Variants in JARID2 observed in about 807,000 individuals in gnomAD.
The protein encoded by JARID2 is jumonji and AT-rich interaction domain containing 2.
In JARID2, 21 loss-of-function variants were observed where a neutral mutation model predicts 125.6. The observed-to-expected ratio is 0.17, with a 90% CI of 0.12 to 0.24. JARID2 has a LOEUF of 0.24. Ranked by LOEUF, JARID2 falls within the 10% of genes least tolerant of loss-of-function variation. JARID2 has a pLI of 1.00. For missense variants in JARID2, 1,303 were observed against 1,639.6 expected (o/e 0.79, Z 3.55); for synonymous variants, 736 against 661.6 (o/e 1.11, Z -1.73).
At chr6:15,391,470 AGGGGAG>A (rs1255367168) in intron 2 of JARID2, among the ~76,000 whole-genome samples, 2 of 152,184 alleles carry the variant, frequency 1.3e-5, no homozygotes, top group African/African-American at 4.8e-5. Context: ...AGACAGACAG[AGGGGAG>A]AAAGTGACTG....
chr6:15,434,151 A>G (rs570649443), intron 3 of JARID2, among the ~76,000 whole-genome samples: 132 of 146,470 alleles, frequency 9.0e-4, no homozygotes, highest in African/African-American at 3.2e-3. Context: ...TTTTTTTTTT[A>G]TTTTTATTTT....
intron 2 of JARID2, among the ~76,000 whole-genome samples, chr6:15,403,577 G>T (rs1765526025): frequency 1.3e-5 from 2 of 151,904 alleles, no homozygotes; most frequent in South Asian, 4.1e-4. Context: ...ACTTGTTTCT[G>T]AAATAGGAAA....
At chr6:15,442,472 T>A (rs981072248) in intron 3 of JARID2, among the ~76,000 whole-genome samples, 3 of 152,236 alleles carry the variant, frequency 2.0e-5, no homozygotes, top group Admixed American at 6.5e-5. Flanking sequence ...ACTCTTACTG[T>A]CTTTATGTAG....
At position 15,362,440 on chromosome 6, in the gene JARID2, C is replaced by T. The variant is rs546506949; in HGVS notation, c.46-11677C>T. ...TCTTGAGAAAGGCAACTCTATTTAC[C>T]GTAGCATTACTGTTGAAGTCATGAT... On this transcript the variant is annotated intron_variant, in intron 1 of 17. Transcript: ENST00000341776. 6.6e-5 allele frequency among the ~76,000 whole-genome samples: 10 copies of T among 152,208 alleles called. No homozygotes were observed. In the East Asian group the frequency reaches 9.6e-4, roughly 15 times the overall value.
chr6:15,410,514 C>G (rs1218457785), intron 3 of JARID2, 149 bp downstream of exon 3: 3 of 740,930 alleles, frequency 4.0e-6, no homozygotes, highest in Non-Finnish European at 6.5e-6. Flanking sequence ...GTATCAAATG[C>G]CCTGCTTTCT....
chr6:15,397,942 T>C (rs1182029839), intron 2 of JARID2, among the ~76,000 whole-genome samples: 5 of 152,150 alleles, frequency 3.3e-5, no homozygotes, highest in African/African-American at 1.2e-4. Flanking sequence ...CATTCATCAG[T>C]TGTGTAGTAT....
At chr6:15,254,132 A>G (rs1034764014) in intron 1 of JARID2, among the ~76,000 whole-genome samples, 2 of 152,178 alleles carry the variant, frequency 1.3e-5, no homozygotes, top group Admixed American at 6.5e-5. Context: ...TTGAAGAACC[A>G]GTTGGTGGAG....
chr6:15,446,314 C>A (rs1055722476), intron 3 of JARID2, among the ~76,000 whole-genome samples: 1 of 152,188 alleles, frequency 6.6e-6, no homozygotes, highest in South Asian at 2.1e-4. Flanking sequence ...AACAGAAGGG[C>A]AGAGCAATGG....
chr6:15,357,286 A>G (rs187908728), intron 1 of JARID2, among the ~76,000 whole-genome samples: 210 of 152,348 alleles, frequency 1.4e-3, no homozygotes, highest in Admixed American at 2.9e-3. Flanking sequence ...TGAAGTTAAC[A>G]ATTTTTACAA....
chr6:15,460,962 C>G (rs1329579455), intron 4 of JARID2, among the ~76,000 whole-genome samples: 1 of 152,196 alleles, frequency 6.6e-6, no homozygotes, highest in Admixed American at 6.5e-5. Context: ...ACCTTGGCCT[C>G]CCAAAGTGCT....
rs1686946081 is a variant in JARID2 at position 15,284,512 on chromosome 6, T to C, written c.45+37928T>C. 3.7e-5 allele frequency among the ~76,000 whole-genome samples: 3 copies of C among 80,022 alleles called. No individual in the cohort carries two copies. The South Asian group carries it at 1.0e-3, about 28-fold the overall frequency. 52.5% of individuals were successfully genotyped at this position (80,022 alleles called of 152,430 possible). On this transcript the variant is annotated intron_variant, in intron 1 of 17. Coordinates refer to ENST00000341776, the MANE Select transcript of JARID2 (RefSeq NM_004973.4). ...AAATTCCCTTTTAGTTTTATAATCCTTTTTTTTTTTTTTTTGAGACGAAGT... is the reference window on the plus strand; with the variant it reads ...AAATTCCCTTTTAGTTTTATAATCCCTTTTTTTTTTTTTTTGAGACGAAGT...
intron 2 of JARID2, among the ~76,000 whole-genome samples, chr6:15,385,216 T>C (rs2127533539): frequency 6.6e-6 from 1 of 152,340 alleles, no homozygotes; most frequent in South Asian, 2.1e-4. Flanking sequence ...ATACTCTGTT[T>C]AGCTCTAGCT....
chr6:15,305,465 A>G (rs765294736), intron 1 of JARID2, among the ~76,000 whole-genome samples: 29 of 152,264 alleles, frequency 1.9e-4, no homozygotes, highest in Non-Finnish European at 3.4e-4. Context: ...TTCATTCCCC[A>G]TCCTCCTCCT....
intron 5 of JARID2, among the ~76,000 whole-genome samples, chr6:15,480,809 C>CTA (rs1176462167): frequency 6.6e-6 from 1 of 152,202 alleles, no homozygotes; most frequent in Non-Finnish European, 1.5e-5. Context: ...GTGAGCAGAA[C>CTA]TAGACATCAA....
chr6:15,415,552 G>T (rs1286846202), intron 3 of JARID2, among the ~76,000 whole-genome samples: 1 of 137,432 alleles, frequency 7.3e-6, no homozygotes, highest in Non-Finnish European at 1.5e-5. Flanking sequence ...CCGGGCAGAG[G>T]CGCCCCTCAC....
At chr6:15,330,985 C>T (rs981809193) in intron 1 of JARID2, among the ~76,000 whole-genome samples, 1 of 152,140 alleles carries the variant, frequency 6.6e-6, no homozygotes, top group Non-Finnish European at 1.5e-5. Flanking sequence ...ACAAGGACAT[C>T]TCACTAGACT....
chr6:15,315,780 C>T (rs867005205), intron 1 of JARID2, among the ~76,000 whole-genome samples: 4 of 152,222 alleles, frequency 2.6e-5, no homozygotes, highest in Middle Eastern at 6.8e-3. Context: ...TGGGAAAGTG[C>T]GTTAATGAAG....
At chr6:15,433,452 A>G (rs1038939292) in intron 3 of JARID2, among the ~76,000 whole-genome samples, 532 of 77,940 alleles carry the variant, frequency 6.8e-3, no homozygotes, top group Non-Finnish European at 0.01. Flanking sequence ...GTGTGTGTGT[A>G]TAATTTCAGT....
At chr6:15,468,448 T>A in intron 4 of JARID2, 94 bp from the exon 5 acceptor site, 1 of 1,173,786 alleles carries the variant, frequency 8.5e-7, no homozygotes, top group Admixed American at 2.6e-5. Context: ...GTTGCTTTGT[T>A]TTTTCTCCTC....
Sources: allele counts gnomAD v4.1 joint callset (sites outside exome capture counted in the v4.1 genomes callset), GRCh38; gene constraint gnomAD v4.1.1; transcripts MANE v1.5; gene names NCBI Gene and HGNC (gene_info 2026-07-23, HGNC 2026-07-21).